The following GPAT2 variants were observed in gnomAD, a reference collection of about 807,000 sequenced individuals.
The protein encoded by GPAT2 is 1-acylglycerol-3-phosphate O-acyltransferase GPAT2.
GPAT2 carries 51 observed loss-of-function variants against 71.0 expected under a neutral mutation model. That is an observed-to-expected ratio of 0.72 (90% confidence interval 0.57 to 0.91). The LOEUF (loss-of-function observed/expected upper bound fraction) is 0.91. GPAT2 is among the 40% of genes least tolerant of loss of function. The pLI is 0.00. For synonymous variants in GPAT2, 222 were observed against 290.3 expected, an observed-to-expected ratio of 0.76 and a Z score of 2.39; for missense variants, 511 against 666.0, an observed-to-expected ratio of 0.77 and a Z score of 2.56.
intron 10 of GPAT2, 67 bp from the exon 11 acceptor site, chr2:96,026,372 C>G: frequency 7.2e-7 from 1 of 1,385,724 alleles, no homozygotes; most frequent in Non-Finnish European, 9.4e-7. Context: ...TCAGGGCTGC[C>G]CACCCATCCT....
Position 96,024,304 on chromosome 2 carries a change from A to G in GPAT2, c.1721T>C (p.Val574Ala). 1 of 1,564,262 alleles carries G rather than the reference A, an allele frequency of 6.4e-7. No homozygotes were observed. Among genetic ancestry groups the G allele is most frequent in the Non-Finnish European group, 8.7e-7 (1 of 1,152,944 alleles). Residue 574 changes from valine to alanine, a missense_variant, in exon 16 of 22, where the codon GTG becomes GCG. This residue lies in a region of GPAT2 where 295 missense variants were observed against 305.5 expected (regional missense o/e 0.97). Transcript: ENST00000434632. ...CAVRGLLAGR[V>A]PPQGPWELQG... Reference sequence around the variant, plus strand: ...CAGCTCCCAGGGCCCCTGGGGCGGCACTCTGCCTGCCAGCAGCCCCCGCAC... The same window carrying G: ...CAGCTCCCAGGGCCCCTGGGGCGGCGCTCTGCCTGCCAGCAGCCCCCGCAC...
In GPAT2 at chr2:96,026,186, C is replaced by T. The variant is rs1419416362; in HGVS notation, c.1152G>A (p.Leu384=). 1 of 1,605,220 alleles carries T rather than the reference C, an allele frequency of 6.2e-7. No homozygotes were observed. The highest frequency in any genetic ancestry group is 8.5e-7 in the Non-Finnish European group (1 of 1,175,768). The part of the protein sequence containing the change: ...SRVHLAQPFS[L]QEYIVSARSC... ...CCTTCCCCAGCTGGCTCCATACCTG[C>T]AGGGAAAAGGGCTGAGCTAGGTGCA... is the stretch of plus-strand genomic sequence containing the variant. Residue 384 remains leucine, a synonymous_variant, in exon 11 of 22, where the codon CTG becomes CTA. Transcript: ENST00000434632.
chr2:96,023,147 T>G lies in GPAT2; in HGVS notation c.2126A>C (p.Gln709Pro). The stretch of plus-strand genomic sequence containing the variant: ...GCCCTGGCGGAGGAAGGCGGCAGCC[T>G]GTGCAAAGGCCTTGAGCAGCGGGCT... ...LLSPLLKAFAQAAAFLRQGQL... is the reference protein window; with the variant it reads ...LLSPLLKAFAPAAAFLRQGQL... Residue 709 changes from glutamine (Q) to proline (P), a missense_variant, in exon 19 of 22, where the codon CAG becomes CCG. Gln to Pro is a moderately conservative substitution (Grantham distance 76, BLOSUM62 -1). Transcript: ENST00000434632. 6.2e-7 allele frequency: 1 copy of G among 1,608,512 alleles called. No homozygotes were observed. Among genetic ancestry groups the G allele is most frequent in the Non-Finnish European group, 8.5e-7 (1 of 1,177,044 alleles).
chr2:96,026,421 T>G (rs1269626215), intron 10 of GPAT2, 116 bp from the exon 11 acceptor site: 1 of 1,026,692 alleles, frequency 9.7e-7, no homozygotes, highest in Non-Finnish European at 1.3e-6. Context: ...CCTGCTCAGT[T>G]TTATCTCAGG....
At position 96,024,520 on chromosome 2, in the gene GPAT2, A is replaced by G. The variant is rs1472543574; in HGVS notation, c.1594T>C (p.Leu532=). The change falls in exon 15 of 22, where the codon TTG becomes CTG. Residue 532 remains leucine (L), a synonymous_variant. Coordinates refer to ENST00000434632, the MANE Select transcript of GPAT2 (RefSeq NM_001321527.2). ...VALLRIRQGD[L]LVVPQPGPGL... Reference sequence around the variant, plus strand: ...GGGCCAGGCTGCGGCACCACCAGCAAGTCACCCTGACGGATGCGCAGCAGG... The same window carrying G: ...GGGCCAGGCTGCGGCACCACCAGCAGGTCACCCTGACGGATGCGCAGCAGG... 27 of 1,613,816 alleles carry G rather than the reference A, an allele frequency of 1.7e-5. No individual in the cohort carries two copies. Among genetic ancestry groups the G allele is most frequent in the Non-Finnish European group, 2.3e-5 (27 of 1,179,968 alleles).
In GPAT2 at chr2:96,022,707, C is replaced by T. The variant is rs368334336; in HGVS notation, c.2250G>A (p.Lys750=). The change falls in exon 21 of 22, where the codon AAG becomes AAA. Residue 750 remains lysine (K), a synonymous_variant. Coordinates refer to ENST00000434632, the MANE Select transcript of GPAT2 (RefSeq NM_001321527.2). ...AGGTCCAGACAGCACTGATGGCGAGCTTTGGGTCCGCACACTCTGGAAAGA... is the reference window on the plus strand; with the variant it reads ...AGGTCCAGACAGCACTGATGGCGAGTTTTGGGTCCGCACACTCTGGAAAGA... ...EEGIFECADP[K]LAISAVWTFR... 11 of 1,613,842 alleles carry T rather than the reference C, an allele frequency of 6.8e-6. No homozygotes were observed. Among genetic ancestry groups the T allele is most frequent in the Admixed American group, 1.7e-5 (1 of 59,994 alleles).
rs373657909 is a variant in GPAT2 at position 96,022,614 on chromosome 2, C to G, written c.2289+54G>C. ...GACATAGCTGGGTTTCCCTGAGCTA[C>G]TCTATTGGGGTGGGAGCAGGGGGAC... On this transcript the variant is annotated intron_variant, in intron 21 of 21. Transcript: ENST00000434632. The G allele has an allele frequency of 3.3e-5, 53 of 1,587,096 alleles. No homozygotes were observed. In the African/African-American group the frequency reaches 6.3e-4, roughly 19 times the overall value.
At chr2:96,034,071 A>T (rs1355308787) in intron 1 of GPAT2, among the ~76,000 whole-genome samples, 1 of 150,222 alleles carries the variant, frequency 6.7e-6, no homozygotes, top group African/African-American at 2.4e-5. Context: ...ACATATATAC[A>T]TATAATACAT....
intron 20 of GPAT2, 61 bp downstream of exon 20, chr2:96,022,897 G>T: frequency 6.2e-7 from 1 of 1,612,916 alleles, no homozygotes; most frequent in Non-Finnish European, 8.5e-7. Flanking sequence ...CCTGCAGGGG[G>T]CAGCAGCCAC....
intron 1 of GPAT2, among the ~76,000 whole-genome samples, chr2:96,034,167 G>C (rs1680889779): frequency 9.1e-6 from 1 of 109,384 alleles, no homozygotes; most frequent in Non-Finnish European, 1.8e-5. Flanking sequence ...TTGAACAGCA[G>C]AGGGCTTGTT....
Position 96,026,004 on chromosome 2 carries a change from G to C in GPAT2, c.1164C>G (p.Ile388Met), listed in dbSNP as rs761273723. 6 of 1,612,648 alleles carry C rather than the reference G, an allele frequency of 3.7e-6. No homozygotes were observed. Among genetic ancestry groups the C allele is most frequent in the Non-Finnish European group, 4.2e-6 (5 of 1,179,752 alleles). ...LAQPFSLQEY[I>M]VSARSCWGGR... The stretch of plus-strand genomic sequence containing the variant: ...CGCCCCAGCAGCTTCTGGCACTGAC[G>C]ATGTATTCCTGCCCAAGAGAAGGCT... Residue 388 changes from isoleucine (I) to methionine (M), a missense_variant, in exon 12 of 22, where the codon ATC (isoleucine) becomes ATG (methionine). By Grantham distance (10) the Ile-to-Met change is conservative. Coordinates refer to ENST00000434632, the MANE Select transcript of GPAT2 (RefSeq NM_001321527.2).
intron 21 of GPAT2, 54 bp downstream of exon 21, chr2:96,022,614 C>A: frequency 6.3e-7 from 1 of 1,587,214 alleles, no homozygotes; most frequent in South Asian, 1.1e-5. Flanking sequence ...CCCTGAGCTA[C>A]TCTATTGGGG....
chr2:96,033,859 A>G (rs1351335672), intron 1 of GPAT2, among the ~76,000 whole-genome samples: 1 of 112,970 alleles, frequency 8.9e-6, no homozygotes, highest in Non-Finnish European at 1.8e-5. Flanking sequence ...AGTCAAAGCC[A>G]TGGCAAGGGG....
At chr2:96,025,321 C>G (rs1467135298) in intron 13 of GPAT2, 164 bp downstream of exon 13, 1 of 964,536 alleles carries the variant, frequency 1.0e-6, no homozygotes, top group Admixed American at 3.3e-5. Flanking sequence ...GCTGCCTGCT[C>G]CTCCTGTAGG....
At chr2:96,025,647 A>C in intron 12 of GPAT2, 44 bp from the exon 13 acceptor site, 2 of 1,432,404 alleles carry the variant, frequency 1.4e-6, no homozygotes, top group Non-Finnish European at 1.9e-6. Flanking sequence ...TCCAAACACA[A>C]AAACAGCTGT....
In GPAT2 at chr2:96,023,323, C is replaced by G; in HGVS notation, c.2032G>C (p.Gly678Arg). 1 of 1,614,210 alleles carries G rather than the reference C, an allele frequency of 6.2e-7. No homozygotes were observed. The highest frequency in any genetic ancestry group is 2.2e-5 in the East Asian group (1 of 44,892). ...SDSDDFGEADGRYFRLSQQSH... is the reference protein window; with the variant it reads ...SDSDDFGEADRRYFRLSQQSH... ...TTGAAACACACCCTGAAGTACCGGC[C>G]GTCAGCCTCTCCGAAGTCATCACTG... The change falls in exon 18 of 22, where the codon GGC (glycine) becomes CGC (arginine). Residue 678 changes from glycine to arginine, a missense_variant. By Grantham distance (125) the Gly-to-Arg change is moderately radical. This residue lies in a region of GPAT2 where 295 missense variants were observed against 305.5 expected (regional missense o/e 0.97). Transcript: ENST00000434632.
intron 13 of GPAT2, 21 bp downstream of exon 13, chr2:96,025,464 C>A (rs757714882): frequency 3.9e-5 from 61 of 1,572,368 alleles, no homozygotes; most frequent in Non-Finnish European, 4.7e-5. Flanking sequence ...CCGCAAAGGC[C>A]CAGATCTGGT....
chr2:96,023,402 C>T lies in GPAT2; in HGVS notation c.1953G>A (p.Gln651=). 2 of 1,614,152 alleles carry T rather than the reference C, an allele frequency of 1.2e-6. No individual in the cohort carries two copies. Among genetic ancestry groups the T allele is most frequent in the Non-Finnish European group, 1.7e-6 (2 of 1,180,036 alleles). ...GSRPACDTGR[Q]RLSRKLLWKP... Reference sequence around the variant, plus strand: ...TCCACAGCAGCTTTCTGCTCAATCGCTGTCGCCCTGTGTCACAGGCTGGCC... The same window carrying T: ...TCCACAGCAGCTTTCTGCTCAATCGTTGTCGCCCTGTGTCACAGGCTGGCC... Residue 651 remains glutamine, a synonymous_variant, in exon 18 of 22, where the codon CAG becomes CAA. Transcript: ENST00000434632.
rs533434703 is a variant in GPAT2, at chr2:96,021,974, G to T, written c.*185C>A. ...TGCTGGGCTGGGGAAAAGACAACTC[G>T]TCTCGTCCCCTTGTTTATCACATCA... On this transcript the variant is annotated 3_prime_UTR_variant, in exon 22 of 22. Coordinates refer to ENST00000434632, the MANE Select transcript of GPAT2 (RefSeq NM_001321527.2). 933 of 1,395,794 alleles carry T rather than the reference G, an allele frequency of 6.7e-4. 2 individuals are homozygous for T. The highest frequency in any genetic ancestry group is 8.4e-4 in the Non-Finnish European group (880 of 1,050,674). 86.5% of individuals were successfully genotyped at this position (1,395,794 alleles called of 1,614,324 possible).
Sources: allele counts gnomAD v4.1 joint callset (sites outside exome capture counted in the v4.1 genomes callset), GRCh38; gene constraint gnomAD v4.1.1; regional missense constraint gnomAD v4.1.1; transcripts MANE v1.5; gene names NCBI Gene and HGNC (gene_info 2026-07-23, HGNC 2026-07-21).